Variants in MTPN observed in about 807,000 individuals in gnomAD.
The protein encoded by MTPN is granule cell differentiation protein.
In MTPN, 2 loss-of-function variants were observed where a neutral mutation model predicts 13.5. The observed-to-expected ratio is 0.15, with a 90% confidence interval of 0.06 to 0.47. MTPN has a LOEUF of 0.47. Among genes scored for constraint, MTPN ranks in the 20% least tolerant of loss-of-function variants. MTPN has a pLI of 0.97. For synonymous variants in MTPN, 46 were observed against 51.7 expected, an observed-to-expected ratio of 0.89 and a Z score of 0.48; for missense variants, 79 against 137.9, an observed-to-expected ratio of 0.57 and a Z score of 2.14.
chr7:135,932,451 T>C (rs1014849519), intron 3 of MTPN: 1 of 152,056 alleles, frequency 6.6e-6, no homozygotes, highest in Non-Finnish European at 1.5e-5. Context: ...ACCAGAAGTA[T>C]TTAGATAAAA....
chr7:135,939,741 G>A (rs2116354562), intron 3 of MTPN, among the ~76,000 whole-genome samples: 1 of 152,164 alleles, frequency 6.6e-6, no homozygotes, highest in East Asian at 1.9e-4. Flanking sequence ...ACCTTTCTTA[G>A]GGAACTTACC....
At chr7:135,962,662 G>A (rs553502557) in intron 1 of MTPN, among the ~76,000 whole-genome samples, 7 of 151,892 alleles carry the variant, frequency 4.6e-5, no homozygotes, top group Non-Finnish European at 7.4e-5. Context: ...TAAGCGGTAT[G>A]TTTTTAGAAG....
chr7:135,972,917 C>T (rs546366420), intron 1 of MTPN, among the ~76,000 whole-genome samples: 1 of 151,710 alleles, frequency 6.6e-6, no homozygotes, highest in Non-Finnish European at 1.5e-5. Context: ...CAGACTTGGT[C>T]AGGGAGGATG....
intron 3 of MTPN, among the ~76,000 whole-genome samples, chr7:135,946,876 T>C (rs1250306076): frequency 6.6e-6 from 1 of 152,182 alleles, no homozygotes; most frequent in African/African-American, 2.4e-5. Flanking sequence ...CTATTATGAG[T>C]GTCTGTCTCA....
chr7:135,939,016 A>T (rs925126530), intron 3 of MTPN, among the ~76,000 whole-genome samples: 4 of 152,074 alleles, frequency 2.6e-5, no homozygotes, highest in Admixed American at 2.6e-4. Flanking sequence ...CCTGAAATTA[A>T]GTTACATTTA....
At chr7:135,946,984 C>G (rs891185007) in intron 3 of MTPN, among the ~76,000 whole-genome samples, 3 of 152,130 alleles carry the variant, frequency 2.0e-5, no homozygotes, top group African/African-American at 7.2e-5. Context: ...CCTCCTTTCC[C>G]TTGTTTCTTC....
intron 1 of MTPN, among the ~76,000 whole-genome samples, chr7:135,972,284 G>A (rs147360767): frequency 6.6e-6 from 1 of 151,500 alleles, no homozygotes; most frequent in African/African-American, 2.4e-5. Flanking sequence ...AGACAGTTCT[G>A]GGTTTAAAAT....
At chr7:135,938,895 G>A (rs112723607) in intron 3 of MTPN, among the ~76,000 whole-genome samples, 92 of 152,250 alleles carry the variant, frequency 6.0e-4, no homozygotes, top group African/African-American at 1.8e-3. Context: ...ATCATGTCTT[G>A]TTACTCTGCT....
intron 1 of MTPN, among the ~76,000 whole-genome samples, chr7:135,957,966 A>G (rs1320775505): frequency 3.3e-5 from 5 of 152,158 alleles, no homozygotes. Context: ...CAGAATCATG[A>G]ACCAAATAAA....
At chr7:135,962,425 T>C (rs1454036591) in intron 1 of MTPN, among the ~76,000 whole-genome samples, 1 of 152,022 alleles carries the variant, frequency 6.6e-6, no homozygotes, top group Non-Finnish European at 1.5e-5. Context: ...TTGCAGACCA[T>C]TTTGAAAATA....
In MTPN at chr7:135,977,267, C is replaced by A. The variant is rs1014457197; in HGVS notation, c.-167G>T. 13 of 677,310 alleles carry A rather than the reference C, an allele frequency of 1.9e-5. No homozygotes were observed. Among genetic ancestry groups the A allele is most frequent in the Non-Finnish European group, 3.3e-5 (13 of 388,382 alleles). The allele number at this position is 677,310 out of a possible 1,614,324, so 42.0% of individuals were successfully genotyped here. A position where few individuals can be genotyped will look rare whatever the true frequency, so the allele number is the denominator to read the frequency against. ...CGGGCGAGGCAGTTGGCCGCGGCGA[C>A]CGTTCGGGCGGGAGAAAGAAAGTTC... On this transcript the variant is annotated 5_prime_UTR_variant, in exon 1 of 4. Coordinates refer to ENST00000393085, the MANE Select transcript of MTPN (RefSeq NM_145808.4).
rs1798933728 is a variant in MTPN, at chr7:135,927,227, CCA to C, written c.*2697_*2698del. On this transcript the variant is annotated 3_prime_UTR_variant, in exon 4 of 4. Coordinates refer to ENST00000393085, the MANE Select transcript of MTPN (RefSeq NM_145808.4). ...TAAAAGGCCTACTTGTTTGCAGCTT[CCA>C]CACACTGCACCTACCTACTACCTCT... The C allele has an allele frequency of 7.4e-7, 1 of 1,358,660 alleles. No individual in the cohort carries two copies. Among genetic ancestry groups the C allele is most frequent in the East Asian group, 2.6e-5 (1 of 38,260 alleles). The allele number at this position is 1,358,660 out of a possible 1,614,324, so 84.2% of individuals were successfully genotyped here.
intron 1 of MTPN, among the ~76,000 whole-genome samples, chr7:135,965,675 T>C (rs575095810): frequency 3.9e-4 from 59 of 152,240 alleles, no homozygotes; most frequent in African/African-American, 1.4e-3. Context: ...AGGTTACAAG[T>C]GGAAGTTGCT....
rs1361489662 is a variant in MTPN, at chr7:135,927,695, CTATGTTTA to C, written c.*2223_*2230del. The C allele has an allele frequency of 2.8e-5, 15 of 543,102 alleles. No homozygotes were observed. The highest frequency in any genetic ancestry group is 2.5e-4 in the Admixed American group (11 of 44,148). The allele number at this position is 543,102 out of a possible 1,614,324, so 33.6% of individuals were successfully genotyped here. A position where few individuals can be genotyped will look rare whatever the true frequency, so the allele number is the denominator to read the frequency against. ...ACCATCTTGGTCAGTCTATTCTATT[CTATGTTTA>C]TATGTTATTTTCTCAAGCAATCGCT... is the stretch of plus-strand genomic sequence containing the variant. On this transcript the variant is annotated 3_prime_UTR_variant, in exon 4 of 4. Transcript: ENST00000393085.
chr7:135,955,182 T>A (rs1049753033), intron 1 of MTPN, among the ~76,000 whole-genome samples: 4 of 152,146 alleles, frequency 2.6e-5, no homozygotes, highest in Admixed American at 6.5e-5. Context: ...TAGCACTAAA[T>A]GCCTGTACTG....
At chr7:135,957,217 CACT>C (rs573563166) in intron 1 of MTPN, among the ~76,000 whole-genome samples, 1 of 151,984 alleles carries the variant, frequency 6.6e-6, no homozygotes, top group Non-Finnish European at 1.5e-5. Flanking sequence ...ACATATGAAA[CACT>C]ACTACTTCAT....
intron 1 of MTPN, among the ~76,000 whole-genome samples, chr7:135,958,174 T>C (rs1799471966): frequency 2.0e-5 from 3 of 152,206 alleles, no homozygotes; most frequent in Admixed American, 2.0e-4. Flanking sequence ...TATATGTCTT[T>C]CATTACATTT....
At chr7:135,967,063 T>C (rs1799617595) in intron 1 of MTPN, among the ~76,000 whole-genome samples, 1 of 152,182 alleles carries the variant, frequency 6.6e-6, no homozygotes, top group Admixed American at 6.6e-5. Flanking sequence ...TCCATATTTA[T>C]AAATGCACCT....
intron 3 of MTPN, among the ~76,000 whole-genome samples, chr7:135,947,389 C>A (rs13246297): frequency 0.48 from 73,488 of 151,826 alleles, 18,148 homozygotes; most frequent in East Asian, 0.59. Context: ...GTTTCCTTAT[C>A]ATTTCTTGTT....
Sources: gnomAD v4.1 joint callset for allele counts (sites outside exome capture counted in the v4.1 genomes callset) on GRCh38, gnomAD v4.1.1 for gene constraint, MANE v1.5 for transcripts, NCBI Gene and HGNC (gene_info 2026-07-23, HGNC 2026-07-21) for gene names.